Variants in TRRAP observed in about 807,000 individuals in gnomAD.
TRRAP encodes the protein transformation/transcription domain associated protein.
A neutral mutation model predicts 438.8 loss-of-function variants in TRRAP; 41 were observed. The ratio of observed to expected loss-of-function variants is 0.09; its 90% CI spans 0.07 to 0.12. The LOEUF is 0.12. TRRAP is among the 10% of genes least tolerant of loss of function. TRRAP has a pLI of 1.00. For synonymous variants in TRRAP, 1,994 were observed against 1,962.9 expected (o/e 1.02, Z -0.42); for missense variants, 3,122 against 5,055.1 (o/e 0.62, Z 11.60).
intron 60 of TRRAP, 36 bp from the exon 61 acceptor site, chr7:98,984,057 C>A: frequency 6.6e-7 from 1 of 1,515,020 alleles, no homozygotes. Context: ...GAAAGAGGAT[C>A]GGTGTGGGCT....
intron 33 of TRRAP, among the ~76,000 whole-genome samples, chr7:98,946,633 C>A (rs1791086971): frequency 1.3e-5 from 2 of 151,210 alleles, no homozygotes; most frequent in African/African-American, 4.9e-5. Context: ...GCACACACAC[C>A]ACAATGCACT....
intron 18 of TRRAP, among the ~76,000 whole-genome samples, chr7:98,915,153 A>G (rs902555458): frequency 5.5e-4 from 83 of 152,256 alleles, no homozygotes; most frequent in African/African-American, 2.0e-3. Context: ...TACACTTTGC[A>G]TACATCTTAT....
rs200762615 is a variant in TRRAP at position 98,956,311 on chromosome 7, G to A, written c.6096+7G>A. 4 of 1,614,054 alleles carry A rather than the reference G, an allele frequency of 2.5e-6. No homozygotes were observed. The highest frequency in any genetic ancestry group is 3.4e-6 in the Non-Finnish European group (4 of 1,179,992). On this transcript the variant is annotated splice_region_variant and intron_variant, in intron 42 of 72. Coordinates refer to ENST00000456197, the MANE Select transcript of TRRAP (RefSeq NM_001375524.1). The surrounding 1 kb of genome is among the most constrained non-coding windows in gnomAD (Gnocchi z 4.5). ...GAGGATCAAGGACCAGCAGGTAGGG[G>A]TGTCAGCCTCAGGGGTGCCCCGATC...
intron 51 of TRRAP, 31 bp downstream of exon 51, chr7:98,967,729 G>C (rs753127767): frequency 1.4e-5 from 22 of 1,595,074 alleles, no homozygotes; most frequent in Non-Finnish European, 1.7e-5. Flanking sequence ...TCTGTGGCCG[G>C]GGGCAGCTGT....
chr7:98,939,974 C>G (rs1478276330), intron 30 of TRRAP, among the ~76,000 whole-genome samples: 1 of 151,984 alleles, frequency 6.6e-6, no homozygotes, highest in Admixed American at 6.6e-5. Context: ...CTCTGCCTCC[C>G]GGGTTCAAGT....
At chr7:98,991,377 A>G (rs1378606228) in intron 64 of TRRAP, among the ~76,000 whole-genome samples, 1 of 152,204 alleles carries the variant, frequency 6.6e-6, no homozygotes, top group Non-Finnish European at 1.5e-5. Flanking sequence ...TCCTTCCTGC[A>G]CGCAGCACCT....
chr7:98,934,178 G>T (rs1347515845), intron 27 of TRRAP, among the ~76,000 whole-genome samples: 3 of 152,242 alleles, frequency 2.0e-5, no homozygotes, highest in African/African-American at 7.2e-5. Flanking sequence ...TTAGAATACA[G>T]TAGTGGTCTG....
intron 13 of TRRAP, among the ~76,000 whole-genome samples, chr7:98,907,482 T>G (rs2116391031): frequency 6.6e-6 from 1 of 152,354 alleles, no homozygotes; most frequent in South Asian, 2.1e-4. Context: ...CCTTTGAATA[T>G]GATGCAGTTT....
At chr7:99,007,131 G>A (rs1457712912) in intron 69 of TRRAP, among the ~76,000 whole-genome samples, 2 of 152,242 alleles carry the variant, frequency 1.3e-5, no homozygotes. Context: ...TAGACGATCA[G>A]GTTGATGCTG....
chr7:98,909,804 C>T (rs1463790623), intron 14 of TRRAP, among the ~76,000 whole-genome samples: 1 of 147,832 alleles, frequency 6.8e-6, no homozygotes, highest in Non-Finnish European at 1.5e-5. Context: ...TTTTCCTTTA[C>T]ACGTGGCACA....
At chr7:98,923,808 T>C (rs1789913078) in intron 21 of TRRAP, among the ~76,000 whole-genome samples, 1 of 152,234 alleles carries the variant, frequency 6.6e-6, no homozygotes, top group Non-Finnish European at 1.5e-5. Context: ...GGGTAAATTT[T>C]TAACAAAGAT....
chr7:98,904,816 GT>G (rs1285464753), intron 12 of TRRAP, among the ~76,000 whole-genome samples: 1 of 152,186 alleles, frequency 6.6e-6, no homozygotes, highest in Admixed American at 6.5e-5. Context: ...ACATCTCAAA[GT>G]TTTGGTGGAA....
Position 98,949,519 on chromosome 7 carries a change from G to C in TRRAP, c.4891G>C (p.Val1631Leu). ...GCTGCCGGGGGGTGCCCAGACGGCT[G>C]TGCGCCCCGGTTCGCCCAGCACCAG... Reference protein sequence around the residue: ...LLLPGGAQTAVRPGSPSTSTM... With the variant: ...LLLPGGAQTALRPGSPSTSTM... Residue 1631 changes from valine to leucine, a missense_variant, in exon 36 of 73, where the codon GTG (valine) becomes CTG (leucine). Transcript: ENST00000456197. The C allele has an allele frequency of 1.2e-6, 2 of 1,608,044 alleles. No individual in the cohort carries two copies. The highest frequency in any genetic ancestry group is 1.7e-6 in the Non-Finnish European group (2 of 1,177,654).
In TRRAP at chr7:98,984,093, C is replaced by A; in HGVS notation, c.9023C>A (p.Ala3008Glu). ...AATGATTCCTTTCTTTGCCCTCTAG[C>A]GATTGTAACTGCCTATGAGAATAGC... Reference protein sequence around the residue: ...IFMWRQHHYQAIVTAYENSSQ... With the variant: ...IFMWRQHHYQEIVTAYENSSQ... Residue 3008 changes from alanine (A) to glutamate (E), a missense_variant and splice_region_variant, in exon 61 of 73, where the codon GCG becomes GAG. Ala to Glu is a moderately radical substitution (Grantham distance 107, BLOSUM62 -1). This residue lies in a region of TRRAP where 129 missense variants were observed against 279.2 expected (regional missense o/e 0.46). Coordinates refer to ENST00000456197, the MANE Select transcript of TRRAP (RefSeq NM_001375524.1). 6.3e-7 allele frequency: 1 copy of A among 1,592,514 alleles called. No individual in the cohort carries two copies. The highest frequency in any genetic ancestry group is 8.6e-7 in the Non-Finnish European group (1 of 1,168,814).
chr7:98,964,805 T>C (rs1584369168), intron 48 of TRRAP, 30 bp downstream of exon 48: 2 of 1,600,512 alleles, frequency 1.2e-6, no homozygotes, highest in Middle Eastern at 1.7e-4. Context: ...GGGCCTTTCC[T>C]CAGACTCTGT....
rs1304521293 is a variant in TRRAP, at chr7:98,965,867, A to C, written c.7148A>C (p.Lys2383Thr). 6.2e-7 allele frequency: 1 copy of C among 1,614,108 alleles called. No individual in the cohort carries two copies. Among genetic ancestry groups the C allele is most frequent in the Non-Finnish European group, 8.5e-7 (1 of 1,180,048 alleles). ...AVVKIVEEWV[K>T]NNSPMAANQT... ...GTCAAAATCGTGGAAGAATGGGTCA[A>C]GAATAACTCCCCAATGGCAGCCAAT... The change falls in exon 49 of 73, where the codon AAG becomes ACG. Residue 2383 changes from lysine (K) to threonine (T), a missense_variant. By Grantham distance (78) the Lys-to-Thr change is moderately conservative. Transcript: ENST00000456197.
chr7:98,901,504 A>T (rs1281507863), intron 11 of TRRAP, among the ~76,000 whole-genome samples: 1 of 152,222 alleles, frequency 6.6e-6, no homozygotes, highest in Non-Finnish European at 1.5e-5. Flanking sequence ...TCACCAACTG[A>T]TGAGTATTCA....
At chr7:98,924,041 A>G (rs1469732294) in intron 21 of TRRAP, among the ~76,000 whole-genome samples, 1 of 152,234 alleles carries the variant, frequency 6.6e-6, no homozygotes, top group African/African-American at 2.4e-5. Flanking sequence ...AAAGCTTAAG[A>G]AAGCCATCTT....
At chr7:98,997,512 A>AT (rs1435833111) in intron 67 of TRRAP, among the ~76,000 whole-genome samples, 1 of 133,766 alleles carries the variant, frequency 7.5e-6, no homozygotes, top group Non-Finnish European at 1.6e-5. Context: ...AAAAAAAAAA[A>AT]TTAGAGTAGG....
Sources: allele counts gnomAD v4.1 joint callset (sites outside exome capture counted in the v4.1 genomes callset), GRCh38; gene constraint gnomAD v4.1.1; regional missense constraint gnomAD v4.1.1; non-coding constraint Gnocchi (gnomAD v3.1); transcripts MANE v1.5; gene names NCBI Gene and HGNC (gene_info 2026-07-23, HGNC 2026-07-21).